Variants in MAF observed in about 807,000 individuals in gnomAD.
MAF encodes the protein transcription factor Maf.
A neutral mutation model predicts 22.0 loss-of-function variants in MAF; 10 were observed. That is an observed-to-expected ratio of 0.45 (90% CI 0.28 to 0.77). MAF has a LOEUF of 0.77. Among genes scored for constraint, MAF ranks in the 30% least tolerant of loss-of-function variants. MAF has a pLI of 0.12. For missense variants in MAF, 544 were observed against 548.4 expected (o/e 0.99, Z 0.08); for synonymous variants, 337 against 255.8 (o/e 1.32, Z -3.03).
chr16:79,537,340 C>T, the MAF span, among the ~76,000 whole-genome samples: 10 of 152,168 alleles, frequency 6.6e-5, no homozygotes, highest in South Asian at 2.1e-4. Context: ...TAATAGTCAT[C>T]GAGTACTTGC....
At chr16:79,389,217 G>T in the MAF span, among the ~76,000 whole-genome samples, 3 of 152,146 alleles carry the variant, frequency 2.0e-5, no homozygotes, top group Non-Finnish European at 1.5e-5. Flanking sequence ...GGATGGGAAA[G>T]TCTTGGAGTC....
chr16:79,436,256 T>C, the MAF span, among the ~76,000 whole-genome samples: 5 of 152,148 alleles, frequency 3.3e-5, no homozygotes, highest in East Asian at 9.6e-4. Flanking sequence ...CTAAGTTTTG[T>C]ATTTTTAGTA....
At chr16:79,406,337 C>T in the MAF span, among the ~76,000 whole-genome samples, 1 of 152,158 alleles carries the variant, frequency 6.6e-6, no homozygotes, top group East Asian at 1.9e-4. Context: ...TCTCTTTGGG[C>T]TGCTATACCA....
At chr16:79,490,092 T>C in the MAF span, among the ~76,000 whole-genome samples, 3 of 152,154 alleles carry the variant, frequency 2.0e-5, no homozygotes, top group Non-Finnish European at 4.4e-5. Flanking sequence ...GGTAGAGTGG[T>C]CCAGGAGGCA....
At chr16:79,222,333 G>A in the MAF span, among the ~76,000 whole-genome samples, 1 of 152,068 alleles carries the variant, frequency 6.6e-6, no homozygotes, top group Non-Finnish European at 1.5e-5. Flanking sequence ...AGCTCCTGAA[G>A]AAAGCACTAA....
At chr16:79,526,453 C>T in the MAF span, among the ~76,000 whole-genome samples, 178 of 152,318 alleles carry the variant, frequency 1.2e-3, no homozygotes, top group African/African-American at 3.9e-3. Flanking sequence ...AGCTTTGCTG[C>T]TGCTTACTTC....
chr16:79,495,250 C>T, the MAF span, among the ~76,000 whole-genome samples: 1 of 152,086 alleles, frequency 6.6e-6, no homozygotes, highest in African/African-American at 2.4e-5. Context: ...TTGCTTGAAA[C>T]CAGCAGTTGG....
chr16:79,299,120 T>C, the MAF span, among the ~76,000 whole-genome samples: 1 of 152,230 alleles, frequency 6.6e-6, no homozygotes, highest in South Asian at 2.1e-4. Context: ...TTCACCCTTT[T>C]CTCCCTCCTC....
At chr16:79,576,862 C>A in the MAF span, among the ~76,000 whole-genome samples, 1 of 152,270 alleles carries the variant, frequency 6.6e-6, no homozygotes, top group Non-Finnish European at 1.5e-5. Context: ...CTATTCCTAT[C>A]TTACAGATGC....
rs1405180090 is a variant in MAF, at chr16:79,599,449, C to T, written c.454G>A (p.Gly152Ser). The T allele has an allele frequency of 3.5e-5, 44 of 1,268,126 alleles. No individual in the cohort carries two copies. In the East Asian group the frequency reaches 1.4e-3, roughly 40 times the overall value. The allele number at this position is 1,268,126 out of a possible 1,614,324, so 78.6% of individuals were successfully genotyped here. ...GCGGGGCCCATCTCCTCGCCGCTGC[C>T]GCCCAAGGAGGCGCCGGCACCGGCC... ...AGAGAGASLG[G>S]SGEEMGPAAA... The change falls in exon 1 of 2, where the codon GGC (glycine) becomes AGC (serine). Residue 152 changes from glycine to serine, a missense_variant. Around this residue, in one of 5 missense-constraint regions of MAF, gnomAD observed 342 missense variants for 315.5 expected, o/e 1.08. Coordinates refer to ENST00000326043, the MANE Select transcript of MAF (RefSeq NM_005360.5).
chr16:79,391,494 A>C, the MAF span, among the ~76,000 whole-genome samples: 1 of 152,168 alleles, frequency 6.6e-6, no homozygotes, highest in Non-Finnish European at 1.5e-5. Flanking sequence ...TTAAGATTAT[A>C]ATAAAGAGTT....
At chr16:79,590,674 C>T (rs377729979), downstream of MAF, among the ~76,000 whole-genome samples, 1 of 151,956 alleles carries the variant, frequency 6.6e-6, no homozygotes, top group Non-Finnish European at 1.5e-5. Flanking sequence ...GTCAGTCACC[C>T]TGCAAACAGA....
At chr16:79,251,987 A>T in the MAF span, among the ~76,000 whole-genome samples, 1 of 152,272 alleles carries the variant, frequency 6.6e-6, no homozygotes. Context: ...AAAATGAGTT[A>T]TTCTGGTGTA....
chr16:79,443,292 A>G, the MAF span, among the ~76,000 whole-genome samples: 1 of 152,236 alleles, frequency 6.6e-6, no homozygotes, highest in East Asian at 1.9e-4. Flanking sequence ...AAGAGACTTC[A>G]AAGTGTCAAC....
At chr16:79,211,934 G>C in the MAF span, 5 of 1,538,286 alleles carry the variant, frequency 3.3e-6, no homozygotes, top group African/African-American at 2.7e-5. Flanking sequence ...TCACAACAGA[G>C]TGAAAAATCT....
chr16:79,521,235 C>T, the MAF span, among the ~76,000 whole-genome samples: 1 of 152,156 alleles, frequency 6.6e-6, no homozygotes, highest in South Asian at 2.1e-4. Context: ...ATTTACTTTT[C>T]GTTAATAGAA....
the MAF span, among the ~76,000 whole-genome samples, chr16:79,333,294 A>G: frequency 3.9e-5 from 6 of 152,160 alleles, no homozygotes; most frequent in African/African-American, 7.2e-5. Flanking sequence ...ACCCCACCTG[A>G]GCTCAGACTC....
chr16:79,337,505 T>G, the MAF span, among the ~76,000 whole-genome samples: 3 of 151,486 alleles, frequency 2.0e-5, no homozygotes. Context: ...GAGGCGGAGG[T>G]TGCAGTGAGC....
the MAF span, among the ~76,000 whole-genome samples, chr16:79,397,129 T>C: frequency 6.6e-6 from 1 of 152,242 alleles, no homozygotes; most frequent in African/African-American, 2.4e-5. Flanking sequence ...ATTTACTGAA[T>C]GTCTGGGCAC....
Sources: gnomAD v4.1 joint callset for allele counts (sites outside exome capture counted in the v4.1 genomes callset) on GRCh38, gnomAD v4.1.1 for gene constraint, gnomAD v4.1.1 regional missense constraint, MANE v1.5 for transcripts, NCBI Gene and HGNC (gene_info 2026-07-23, HGNC 2026-07-21) for gene names.